Variants in ZBED1 observed in about 807,000 individuals in gnomAD.
The protein encoded by ZBED1 is zinc finger BED-type containing 1, also known as E3 SUMO-protein ligase ZBED1.
A neutral mutation model predicts 49.7 loss-of-function variants in ZBED1; 19 were observed. That is an observed-to-expected ratio of 0.38 (90% CI 0.27 to 0.56). ZBED1 has a LOEUF of 0.56. Ranked by LOEUF, ZBED1 falls within the 20% of genes least tolerant of loss-of-function variation. The probability of loss-of-function intolerance (pLI) is 0.70; values close to 1 mark genes in which losing one functional copy is unlikely to be tolerated. For missense variants in ZBED1, 806 were observed against 972.6 expected, an observed-to-expected ratio of 0.83 and a Z score of 2.28; for synonymous variants, 439 against 440.3, an observed-to-expected ratio of 1.00 and a Z score of 0.04.
In ZBED1 at chrX:2,500,938, C is replaced by CGCG. The variant is rs2045413870; in HGVS notation, c.-178_-176dup. ...ACAATGGCGACATGGCTGCCCCGGC[C>CGCG]GCGCCGCCGCCGCTTCCGCGCCGCC... On this transcript the variant is annotated 5_prime_UTR_variant, in exon 1 of 2. Transcript: ENST00000652001. 9.5e-7 allele frequency: 1 copy of CGCG among 1,051,610 alleles called. No individual in the cohort carries two copies. The highest frequency in any genetic ancestry group is 1.1e-6 in the Non-Finnish European group (1 of 874,020). The allele number at this position is 1,051,610 out of a possible 1,614,324, so 65.1% of individuals were successfully genotyped here.
chrX:2,497,646 T>C (rs1194888006), intron 1 of ZBED1, among the ~76,000 whole-genome samples: 1 of 152,238 alleles, frequency 6.6e-6, no homozygotes, highest in Non-Finnish European at 1.5e-5. Flanking sequence ...AGGAATATTC[T>C]GTGGCCTATT....
At chrX:2,492,398 G>A (rs1221730813) in intron 1 of ZBED1, among the ~76,000 whole-genome samples, 1 of 152,020 alleles carries the variant, frequency 6.6e-6, no homozygotes, top group Non-Finnish European at 1.5e-5. Flanking sequence ...CAGGAGCTGG[G>A]AGAGGCAGGA....
chrX:2,489,386 C>T lies in ZBED1; in HGVS notation c.1334G>A (p.Ser445Asn), dbSNP rs199940711. 1.2e-6 allele frequency: 2 copies of T among 1,613,956 alleles called. No homozygotes were observed. Among genetic ancestry groups the T allele is most frequent in the East Asian group, 4.5e-5 (2 of 44,872 alleles). Reference sequence around the variant, plus strand: ...CTTGGCGATGACCTCCTTGGCCATGCTGAGCTCCTTGGAGTCGGTCTCCTT... The same window carrying T: ...CTTGGCGATGACCTCCTTGGCCATGTTGAGCTCCTTGGAGTCGGTCTCCTT... ...NIKETDSKEL[S>N]MAKEVIAKEL... is the part of the protein sequence containing the mutation. Residue 445 changes from serine to asparagine, a missense_variant, in exon 2 of 2, where the codon AGC becomes AAC. This residue lies in a region of ZBED1 where 749 missense variants were observed against 861.3 expected (regional missense o/e 0.87). Transcript: ENST00000652001.
Position 2,488,857 on chromosome X carries a change from G to A in ZBED1, c.1863C>T (p.Leu621=), listed in dbSNP as rs1192277347. 1 of 1,613,650 alleles carries A rather than the reference G, an allele frequency of 6.2e-7. No homozygotes were observed. Among genetic ancestry groups the A allele is most frequent in the East Asian group, 2.2e-5 (1 of 44,874 alleles). ...VTATRVAPER[L]FGSAANVVSA... is the part of the protein sequence containing the mutation. ...TGACCACGTTGGCGGCGGATCCGAA[G>A]AGACGCTCAGGGGCGACGCGCGTGG... The change falls in exon 2 of 2, where the codon CTC becomes CTT. Residue 621 remains leucine, a synonymous_variant. Transcript: ENST00000652001.
At position 2,487,750 on chromosome X, in the gene ZBED1, T is replaced by C. The variant is rs1016175574; in HGVS notation, c.*885A>G. On this transcript the variant is annotated 3_prime_UTR_variant, in exon 2 of 2. Transcript: ENST00000652001. ...CACACTTTTTTTTCTGTTTGCTTTT[T>C]GTTAAGTGTCTGCATTTTTGTACTC... The C allele has an allele frequency of 4.6e-5, 7 of 152,062 alleles. No individual in the cohort carries two copies. The highest frequency in any genetic ancestry group is 1.4e-4 in the African/African-American group (6 of 41,384). 9.4% of individuals were successfully genotyped at this position (152,062 alleles called of 1,614,324 possible).
intron 1 of ZBED1, among the ~76,000 whole-genome samples, chrX:2,498,861 C>T (rs1479395972): frequency 6.6e-6 from 1 of 152,156 alleles, no homozygotes; most frequent in East Asian, 1.9e-4. Context: ...CACCTTGCAA[C>T]TGATTACTTA....
intron 1 of ZBED1, among the ~76,000 whole-genome samples, chrX:2,491,074 T>G (rs996854019): frequency 1.6e-4 from 20 of 125,014 alleles, no homozygotes; most frequent in African/African-American, 6.0e-4. Context: ...TAGTTTTTTT[T>G]TTTTTTTTTT....
At chrX:2,498,168 G>A (rs1297138456) in intron 1 of ZBED1, among the ~76,000 whole-genome samples, 1 of 152,174 alleles carries the variant, frequency 6.6e-6, no homozygotes, top group Non-Finnish European at 1.5e-5. Context: ...GTCAACTCAT[G>A]TGGAAGGTGT....
Position 2,500,822 on chromosome X carries a change from TCCAGGAAGCC to T in ZBED1, c.-69_-60del, listed in dbSNP as rs2045409122. The T allele has an allele frequency of 4.5e-6, 5 of 1,100,016 alleles. No homozygotes were observed. Among genetic ancestry groups the T allele is most frequent in the Non-Finnish European group, 5.5e-6 (5 of 908,428 alleles). 68.1% of individuals were successfully genotyped at this position (1,100,016 alleles called of 1,614,324 possible). A position where few individuals can be genotyped will look rare whatever the true frequency, so the allele number is the denominator to read the frequency against. Reference sequence around the variant, plus strand: ...CCCTGCCCCGCCCCGCTGACCTGGCTCCAGGAAGCCCCCGCGGCAGCGCCGCAGCAGCTGC... The same window carrying T: ...CCCTGCCCCGCCCCGCTGACCTGGCTCCCGCGGCAGCGCCGCAGCAGCTGC... On this transcript the variant is annotated 5_prime_UTR_variant, in exon 1 of 2. An upstream open reading frame in the 5' UTR loses its in-frame stop. Transcript: ENST00000652001.
intron 1 of ZBED1, among the ~76,000 whole-genome samples, chrX:2,491,029 G>T (rs2045124968): frequency 6.6e-6 from 1 of 151,646 alleles, no homozygotes; most frequent in Non-Finnish European, 1.5e-5. Context: ...GAGTGAGCAC[G>T]GCATTTTTGC....
chrX:2,500,743 CGCG>C, intron 1 of ZBED1, 71 bp downstream of exon 1: 8 of 710,752 alleles, frequency 1.1e-5, no homozygotes, highest in South Asian at 6.3e-5. Context: ...GCGGAGCCCC[CGCG>C]CCCCCGCCCC....
Position 2,488,763 on chromosome X carries a change from T to G in ZBED1, c.1957A>C (p.Ser653Arg). ...EQVFLYENAR[S>R]GAEAEPEDQD... ...TCCTCGGGTTCCGCCTCTGCCCCAC[T>G]CCGGGCGTTCTCATACAGAAACACC... Residue 653 changes from serine to arginine, a missense_variant, in exon 2 of 2, where the codon AGT (serine) becomes CGT (arginine). Coordinates refer to ENST00000652001, the MANE Select transcript of ZBED1 (RefSeq NM_001171136.2). 6.2e-7 allele frequency: 1 copy of G among 1,613,806 alleles called. No individual in the cohort carries two copies. Among genetic ancestry groups the G allele is most frequent in the Non-Finnish European group, 8.5e-7 (1 of 1,179,858 alleles).
chrX:2,493,915 T>G (rs2045220688), intron 1 of ZBED1, among the ~76,000 whole-genome samples: 2 of 152,070 alleles, frequency 1.3e-5, no homozygotes, highest in African/African-American at 4.8e-5. Flanking sequence ...GAGGTTGCAG[T>G]GAGCCGAGAT....
At position 2,489,230 on chromosome X, in the gene ZBED1, A is replaced by G; in HGVS notation, c.1490T>C (p.Val497Ala). ...CAGCAGGCCCTTGGCCTCTTCCACCACGCGATTCTCCACCTGCTGCCGCTC... is the reference window on the plus strand; with the variant it reads ...CAGCAGGCCCTTGGCCTCTTCCACCGCGCGATTCTCCACCTGCTGCCGCTC... ...AFERQQVENR[V>A]VEEAKGLLDK... Residue 497 changes from valine to alanine, a missense_variant, in exon 2 of 2, where the codon GTG becomes GCG. Coordinates refer to ENST00000652001, the MANE Select transcript of ZBED1 (RefSeq NM_001171136.2). 6.2e-7 allele frequency: 1 copy of G among 1,613,610 alleles called. No homozygotes were observed. The highest frequency in any genetic ancestry group is 8.5e-7 in the Non-Finnish European group (1 of 1,179,796).
chrX:2,489,617 T>G lies in ZBED1; in HGVS notation c.1103A>C (p.Gln368Pro). ...LAMLQRLKEQQFVIAGVLVED... is the reference protein window; with the variant it reads ...LAMLQRLKEQPFVIAGVLVED... ...CACCAAGACCCCGGCGATGACGAAC[T>G]GCTGCTCCTTGAGGCGCTGCAGCAT... The change falls in exon 2 of 2, where the codon CAG becomes CCG. Residue 368 changes from glutamine (Q) to proline (P), a missense_variant. Transcript: ENST00000652001. 6.2e-7 allele frequency: 1 copy of G among 1,612,650 alleles called. No individual in the cohort carries two copies. Among genetic ancestry groups the G allele is most frequent in the African/African-American group, 1.3e-5 (1 of 75,000 alleles).
At chrX:2,498,625 GAAAAAAA>G (rs10624636) in intron 1 of ZBED1, among the ~76,000 whole-genome samples, 1 of 128,778 alleles carries the variant, frequency 7.8e-6, no homozygotes, top group Non-Finnish European at 1.6e-5. Context: ...CAGTAAATGG[GAAAAAAA>G]AAAAAAAAAA....
Position 2,486,843 on chromosome X carries a change from C to T in ZBED1, c.*1792G>A, listed in dbSNP as rs1354572635. The T allele has an allele frequency of 1.3e-5, 2 of 152,216 alleles. No homozygotes were observed. The highest frequency in any genetic ancestry group is 2.9e-5 in the Non-Finnish European group (2 of 68,042). 9.4% of individuals were successfully genotyped at this position (152,216 alleles called of 1,614,324 possible). A position where few individuals can be genotyped will look rare whatever the true frequency, so the allele number is the denominator to read the frequency against. On this transcript the variant is annotated 3_prime_UTR_variant, in exon 2 of 2. Coordinates refer to ENST00000652001, the MANE Select transcript of ZBED1 (RefSeq NM_001171136.2). ...TTCCTTTTCCACAGACTTAAACCGG[C>T]TCAGGACGTAAGGATAACATTCTGT...
At chrX:2,492,868 G>A (rs1413406295) in intron 1 of ZBED1, among the ~76,000 whole-genome samples, 1 of 152,212 alleles carries the variant, frequency 6.6e-6, no homozygotes, top group African/African-American at 2.4e-5. Context: ...TCCGGTTTCT[G>A]GTACTTTATT....
Position 2,488,537 on chromosome X carries a change from T to A in ZBED1, c.*98A>T, listed in dbSNP as rs377027599. 2.1e-3 allele frequency: 2,923 copies of A among 1,419,806 alleles called. 66 individuals carry two copies. In the South Asian group the frequency reaches 0.038, roughly 18 times the overall value. 88.0% of individuals were successfully genotyped at this position (1,419,806 alleles called of 1,614,324 possible). On this transcript the variant is annotated 3_prime_UTR_variant, in exon 2 of 2. Coordinates refer to ENST00000652001, the MANE Select transcript of ZBED1 (RefSeq NM_001171136.2). ...TCTAGGTGTCAAAGACAGTGGATGG[T>A]CTCTGAGGTTCAAAACCAAGCTGAC...
Sources: allele counts gnomAD v4.1 joint callset (sites outside exome capture counted in the v4.1 genomes callset), GRCh38; gene constraint gnomAD v4.1.1; regional missense constraint gnomAD v4.1.1; transcripts MANE v1.5; gene names NCBI Gene and HGNC (gene_info 2026-07-23, HGNC 2026-07-21).